RANBP17: variants seen among roughly 807,000 people sequenced by gnomAD.
RANBP17 encodes ran-binding protein 17.
Under a neutral mutation model 141.2 loss-of-function variants are expected in RANBP17, and 158 were observed. The ratio of observed to expected loss-of-function variants is 1.12; its 90% CI spans 0.98 to 1.28. The LOEUF is 1.28. Ranked by LOEUF, RANBP17 falls within the 50% of genes most tolerant of loss-of-function variation. RANBP17 has a pLI of 0.00. For missense variants in RANBP17, 1,438 were observed against 1,290.7 expected, an observed-to-expected ratio of 1.11 and a Z score of -1.75; for synonymous variants, 430 against 450.0, an observed-to-expected ratio of 0.96 and a Z score of 0.56.
chr5:170,968,126 T>A, intron 13 of RANBP17, 116 bp from the exon 14 acceptor site: 1 of 702,598 alleles, frequency 1.4e-6, no homozygotes, highest in Admixed American at 3.2e-5. Context: ...TATATTTTTT[T>A]ATTTTCCCAC....
intron 18 of RANBP17, among the ~76,000 whole-genome samples, chr5:171,192,781 G>T (rs1761732815): frequency 6.6e-6 from 1 of 152,074 alleles, no homozygotes; most frequent in Non-Finnish European, 1.5e-5. Context: ...TCAATATTTA[G>T]GGCTATTATT....
intron 14 of RANBP17, among the ~76,000 whole-genome samples, chr5:171,117,498 T>TTTA (rs746634016): frequency 6.6e-6 from 1 of 152,098 alleles, no homozygotes; most frequent in South Asian, 2.1e-4. Flanking sequence ...ATTTTCTTTT[T>TTTA]TTATTATTAT....
chr5:171,197,734 G>A (rs1449140463), intron 18 of RANBP17, among the ~76,000 whole-genome samples: 2 of 152,128 alleles, frequency 1.3e-5, no homozygotes, highest in African/African-American at 2.4e-5. Context: ...AAGGCAGACC[G>A]GTACAATAGT....
chr5:171,167,620 A>G (rs1025123393), intron 14 of RANBP17, among the ~76,000 whole-genome samples: 13 of 152,158 alleles, frequency 8.5e-5, no homozygotes, highest in African/African-American at 3.1e-4. Flanking sequence ...TAGTTTAAAC[A>G]TACTCATTCA....
chr5:171,289,783 A>C (rs1336807041), intron 25 of RANBP17, among the ~76,000 whole-genome samples: 1 of 152,092 alleles, frequency 6.6e-6, no homozygotes, highest in Non-Finnish European at 1.5e-5. Flanking sequence ...TAATCCCAGC[A>C]CCTCGGGAGG....
At position 171,051,997 on chromosome 5, in the gene RANBP17, C is replaced by T. The variant is rs558673931; in HGVS notation, c.1710+83620C>T. Among the ~76,000 whole-genome samples the T allele has an allele frequency of 8.5e-5, 13 of 152,060 alleles. No individual in the cohort carries two copies. The South Asian group carries it at 1.3e-3, about 15-fold the overall frequency. On this transcript the variant is annotated intron_variant, in intron 14 of 27. Transcript: ENST00000523189. ...GTGGTTTTGATTTGCATTTTCCTAA[C>T]GTCAGCTGAGGTTTAGCATCATTTG...
intron 14 of RANBP17, among the ~76,000 whole-genome samples, chr5:171,087,222 C>T (rs1377546195): frequency 3.4e-4 from 51 of 151,920 alleles, no homozygotes; most frequent in African/African-American, 1.0e-3. Context: ...TCGTTATGTA[C>T]CCAGTAGTCA....
intron 20 of RANBP17, among the ~76,000 whole-genome samples, chr5:171,211,164 A>C (rs1047750606): frequency 1.3e-5 from 2 of 152,156 alleles, no homozygotes; most frequent in African/African-American, 2.4e-5. Context: ...AAAGTTAATC[A>C]AGTGGATTGA....
chr5:171,130,971 C>T (rs1378041947), intron 14 of RANBP17, among the ~76,000 whole-genome samples: 4 of 152,154 alleles, frequency 2.6e-5, no homozygotes, highest in African/African-American at 9.7e-5. Context: ...TTATGTTTCA[C>T]ATGTTCAGAG....
intron 14 of RANBP17, among the ~76,000 whole-genome samples, chr5:170,978,913 C>T (rs913508194): frequency 6.6e-6 from 1 of 152,002 alleles, no homozygotes; most frequent in East Asian, 1.9e-4. Flanking sequence ...AAAGTGGAAA[C>T]TTGCCTATCA....
intron 14 of RANBP17, among the ~76,000 whole-genome samples, chr5:171,160,938 G>A (rs191763300): frequency 8.2e-4 from 124 of 152,094 alleles, no homozygotes; most frequent in Admixed American, 4.3e-3. Flanking sequence ...GATTACAGGC[G>A]CGTGCCACCA....
At chr5:170,947,929 T>G (rs1404022198) in intron 12 of RANBP17, among the ~76,000 whole-genome samples, 3 of 152,160 alleles carry the variant, frequency 2.0e-5, no homozygotes, top group Non-Finnish European at 4.4e-5. Flanking sequence ...CAAATTCTAT[T>G]GGTCAAAGCA....
intron 22 of RANBP17, among the ~76,000 whole-genome samples, chr5:171,230,020 G>A (rs1179723494): frequency 2.0e-5 from 3 of 151,968 alleles, no homozygotes; most frequent in Non-Finnish European, 2.9e-5. Flanking sequence ...AGCCGAGATC[G>A]TGCCATTGCA....
At chr5:171,222,143 A>C (rs573971976) in intron 22 of RANBP17, among the ~76,000 whole-genome samples, 1 of 152,204 alleles carries the variant, frequency 6.6e-6, no homozygotes, top group Non-Finnish European at 1.5e-5. Context: ...AAATTGCTCA[A>C]AGTTACATCA....
At chr5:170,922,746 A>T (rs916604378) in intron 11 of RANBP17, among the ~76,000 whole-genome samples, 6 of 152,136 alleles carry the variant, frequency 3.9e-5, no homozygotes, top group African/African-American at 1.4e-4. Flanking sequence ...TGGCTAGGAA[A>T]GGGAAATCCC....
chr5:171,105,046 T>C (rs1259044378), intron 14 of RANBP17, among the ~76,000 whole-genome samples: 3 of 152,176 alleles, frequency 2.0e-5, no homozygotes, highest in Admixed American at 2.0e-4. Flanking sequence ...TGAGTACCTT[T>C]AAATTAAAAC....
intron 5 of RANBP17, among the ~76,000 whole-genome samples, chr5:170,900,394 C>A (rs1310191989): frequency 6.6e-6 from 1 of 151,876 alleles, no homozygotes; most frequent in African/African-American, 2.4e-5. Flanking sequence ...CTATTTGATT[C>A]TTCTCTCTTT....
At chr5:170,868,957 C>T (rs551972921) in intron 1 of RANBP17, among the ~76,000 whole-genome samples, 1 of 151,982 alleles carries the variant, frequency 6.6e-6, no homozygotes, top group Non-Finnish European at 1.5e-5. Context: ...TGTGTGTATC[C>T]CTTTCTCTAA....
Position 170,909,719 on chromosome 5 carries a change from C to T in RANBP17, c.548C>T (p.Thr183Ile). 6.3e-7 allele frequency: 1 copy of T among 1,595,446 alleles called. No individual in the cohort carries two copies. Among genetic ancestry groups the T allele is most frequent in the Non-Finnish European group, 8.6e-7 (1 of 1,166,214 alleles). The change falls in exon 6 of 28, where the codon ACT (threonine) becomes ATT (isoleucine). Residue 183 changes from threonine (T) to isoleucine (I), a missense_variant. By Grantham distance (89) the Thr-to-Ile change is moderately conservative. Transcript: ENST00000523189. ...HRKIATSFRDTSLKDVLVLAC... is the reference protein window; with the variant it reads ...HRKIATSFRDISLKDVLVLAC... ...AAAATAGCTACCTCATTTCGTGATA[C>T]TTCTCTCAAAGACGTTTTAGTGCTA...
Sources: gnomAD v4.1 joint callset for allele counts (sites outside exome capture counted in the v4.1 genomes callset) on GRCh38, gnomAD v4.1.1 for gene constraint, MANE v1.5 for transcripts, NCBI Gene and HGNC (gene_info 2026-07-23, HGNC 2026-07-21) for gene names.